MGRN1: variants seen among roughly 807,000 people sequenced by gnomAD.
The protein encoded by MGRN1 is mahogunin ring finger 1.
A neutral mutation model predicts 69.2 loss-of-function variants in MGRN1; 29 were observed. That is an observed-to-expected ratio of 0.42 (90% CI 0.31 to 0.57). MGRN1 has a LOEUF of 0.57. MGRN1 is among the 20% of genes least tolerant of loss of function. The pLI is 0.15. For missense variants in MGRN1, 998 were observed against 796.2 expected (o/e 1.25, Z -3.05); for synonymous variants, 470 against 344.2 (o/e 1.37, Z -4.04).
chr16:4,683,522 G>T (rs1435387518), intron 15 of MGRN1, among the ~76,000 whole-genome samples: 1 of 151,506 alleles, frequency 6.6e-6, no homozygotes, highest in East Asian at 2.0e-4. Flanking sequence ...TTCAGTCCTG[G>T]TTTTGAAACA....
chr16:4,688,823 A>T lies in MGRN1; in HGVS notation c.1646A>T (p.His549Leu), dbSNP rs1262005039. 3 of 1,552,924 alleles carry T rather than the reference A, an allele frequency of 1.9e-6. No individual in the cohort carries two copies. In the East Asian group the frequency reaches 7.3e-5, roughly 38 times the overall value. ...PGRPTSMETA[H>L]GLATTSPTWP... is the part of the protein sequence containing the mutation. ...CGGCCCACCTCCATGGAGACGGCCC[A>T]CGGCCTCGCCACCACCAGCCCCACC... Residue 549 changes from histidine to leucine, a missense_variant, in exon 17 of 17, where the codon CAC becomes CTC. Transcript: ENST00000262370.
chr16:4,680,241 T>G, intron 12 of MGRN1, 144 bp downstream of exon 12: 1 of 790,180 alleles, frequency 1.3e-6, no homozygotes, highest in South Asian at 1.8e-5. Context: ...CCGGCCTCCC[T>G]GCCCAGGGAG....
rs373771144 is a variant in MGRN1, at chr16:4,650,345, G to C, written c.89-20G>C. ...AAAAAAAAAAAAAAAATCTATAATC[G>C]TGTTTCCTTTTTTAAACAGGAAACT... On this transcript the variant is annotated intron_variant, in intron 1 of 16. Coordinates refer to ENST00000262370, the MANE Select transcript of MGRN1 (RefSeq NM_015246.4). 1 of 1,450,632 alleles carries C rather than the reference G, an allele frequency of 6.9e-7. No individual in the cohort carries two copies. The allele number at this position is 1,450,632 out of a possible 1,614,324, so 89.9% of individuals were successfully genotyped here. A position where few individuals can be genotyped will look rare whatever the true frequency, so the allele number is the denominator to read the frequency against.
intron 1 of MGRN1, among the ~76,000 whole-genome samples, chr16:4,635,885 G>A (rs1470751768): frequency 6.7e-6 from 1 of 148,306 alleles, no homozygotes; most frequent in Non-Finnish European, 1.5e-5. Context: ...CTGACCTTGT[G>A]ATCTGCCTGC....
At chr16:4,672,731 G>A (rs557122231) in intron 9 of MGRN1, among the ~76,000 whole-genome samples, 49 of 152,334 alleles carry the variant, frequency 3.2e-4, no homozygotes, top group African/African-American at 7.9e-4. Context: ...CTAGTTTGTG[G>A]ACACCTGTTT....
At chr16:4,671,021 G>A (rs2078925686) in intron 8 of MGRN1, among the ~76,000 whole-genome samples, 1 of 152,214 alleles carries the variant, frequency 6.6e-6, no homozygotes, top group Admixed American at 6.5e-5. Context: ...GGAAAGCAGT[G>A]GGAACTTAGG....
chr16:4,686,562 C>T (rs952294323), intron 16 of MGRN1: 6 of 1,331,118 alleles, frequency 4.5e-6, no homozygotes, highest in Non-Finnish European at 5.8e-6. Flanking sequence ...TCAGGCTCTT[C>T]TTCCAGCCTT....
rs534104525 is a variant in MGRN1, at chr16:4,625,104, G to T, written c.88+56G>T. The T allele has an allele frequency of 4.4e-4, 635 of 1,434,510 alleles. 4 individuals carry two copies. In the African/African-American group the frequency reaches 8.5e-3, roughly 19 times the overall value. 88.9% of individuals were successfully genotyped at this position (1,434,510 alleles called of 1,614,324 possible). On this transcript the variant is annotated intron_variant, in intron 1 of 16. Transcript: ENST00000262370. ...AGGCACGCGCTGGAACGCGGACCCGGCGGGCGCGGGGGCGGGGACTCGGGG... is the reference window on the plus strand; with the variant it reads ...AGGCACGCGCTGGAACGCGGACCCGTCGGGCGCGGGGGCGGGGACTCGGGG...
intron 1 of MGRN1, among the ~76,000 whole-genome samples, chr16:4,632,944 G>A (rs1898084253): frequency 6.6e-6 from 1 of 152,156 alleles, no homozygotes; most frequent in Non-Finnish European, 1.5e-5. Context: ...TTATCTGGGT[G>A]TGGTGGCGTC....
At chr16:4,647,951 T>G (rs2078309009) in intron 1 of MGRN1, among the ~76,000 whole-genome samples, 1 of 152,054 alleles carries the variant, frequency 6.6e-6, no homozygotes, top group South Asian at 2.1e-4. Flanking sequence ...GGGGCCCGGC[T>G]GGTCTTGGTG....
At chr16:4,688,722 C>T (rs2079391750) in intron 16 of MGRN1, 74 bp from the exon 17 acceptor site, 1 of 1,483,208 alleles carries the variant, frequency 6.7e-7, no homozygotes, top group Non-Finnish European at 9.0e-7. Flanking sequence ...CTCTGGGGCT[C>T]CAGATCGGTA....
chr16:4,686,412 C>T (rs542753916), intron 16 of MGRN1: 213 of 1,458,334 alleles, frequency 1.5e-4, no homozygotes, highest in Non-Finnish European at 1.6e-4. Context: ...GGTCTTCGTC[C>T]GCATCCGCAT....
At chr16:4,652,473 C>T (rs766907973) in intron 3 of MGRN1, among the ~76,000 whole-genome samples, 17 of 152,168 alleles carry the variant, frequency 1.1e-4, no homozygotes, top group Admixed American at 3.9e-4. Flanking sequence ...GCACGTACCC[C>T]GTCTTCTGTG....
rs974611751 is a variant in MGRN1 at position 4,624,939 on chromosome 16, C to T, written c.-22C>T. ...CGCTCCCGTTCCGGCCCTGGCCCCTCTGCCCGGCAGCGCCGCGCACCATGG... is the reference window on the plus strand; with the variant it reads ...CGCTCCCGTTCCGGCCCTGGCCCCTTTGCCCGGCAGCGCCGCGCACCATGG... On this transcript the variant is annotated 5_prime_UTR_variant, in exon 1 of 17. Transcript: ENST00000262370. 7 of 1,523,846 alleles carry T rather than the reference C, an allele frequency of 4.6e-6. No homozygotes were observed. The highest frequency in any genetic ancestry group is 2.9e-5 in the African/African-American group (2 of 69,628). The allele number at this position is 1,523,846 out of a possible 1,614,324, so 94.4% of individuals were successfully genotyped here. A position where few individuals can be genotyped will look rare whatever the true frequency, so the allele number is the denominator to read the frequency against.
At position 4,674,706 on chromosome 16, in the gene MGRN1, T is replaced by C. The variant is rs1415776568; in HGVS notation, c.955+1049T>C. Among the ~76,000 whole-genome samples, 4 of 126,314 alleles carry C rather than the reference T, an allele frequency of 3.2e-5. No homozygotes were observed. The East Asian group carries it at 1.2e-3, about 37-fold the overall frequency. The allele number at this position is 126,314 out of a possible 152,430, so 82.9% of individuals were successfully genotyped here. On this transcript the variant is annotated intron_variant, in intron 10 of 16. Coordinates refer to ENST00000262370, the MANE Select transcript of MGRN1 (RefSeq NM_015246.4). ...TGGACTGCGGACTGCAGTGGCGCAATCTCGGCTCACTGCAAGCTCCGCTTC... is the reference window on the plus strand; with the variant it reads ...TGGACTGCGGACTGCAGTGGCGCAACCTCGGCTCACTGCAAGCTCCGCTTC...
At chr16:4,668,600 A>C (rs2078862126) in intron 8 of MGRN1, among the ~76,000 whole-genome samples, 1 of 151,116 alleles carries the variant, frequency 6.6e-6, no homozygotes, top group Non-Finnish European at 1.5e-5. Context: ...TCATACACAC[A>C]TACACTCACA....
Position 4,688,167 on chromosome 16 carries a change from C to T in MGRN1, c.1619-629C>T, listed in dbSNP as rs930083891. ...TGTGTCAGGGCTGGTGGCTGGGTGT[C>T]AGGCAGCCCTGAGGCCATGCTGGCC... On this transcript the variant is annotated intron_variant, in intron 16 of 16. Coordinates refer to ENST00000262370, the MANE Select transcript of MGRN1 (RefSeq NM_015246.4). 14 of 985,442 alleles carry T rather than the reference C, an allele frequency of 1.4e-5. No homozygotes were observed. The East Asian group carries it at 1.4e-3, about 96-fold the overall frequency. 61.0% of individuals were successfully genotyped at this position (985,442 alleles called of 1,614,324 possible).
At chr16:4,685,843 A>C (rs1014325787) in intron 16 of MGRN1, among the ~76,000 whole-genome samples, 1 of 152,030 alleles carries the variant, frequency 6.6e-6, no homozygotes, top group Non-Finnish European at 1.5e-5. Flanking sequence ...GCATCACTGA[A>C]CCCTGCTGTC....
At chr16:4,656,809 G>A (rs138839028) in intron 4 of MGRN1, among the ~76,000 whole-genome samples, 2 of 152,094 alleles carry the variant, frequency 1.3e-5, no homozygotes, top group South Asian at 4.1e-4. Flanking sequence ...GAACTCAGAA[G>A]GCAGAGGTTG....
Sources: allele counts gnomAD v4.1 joint callset (sites outside exome capture counted in the v4.1 genomes callset), GRCh38; gene constraint gnomAD v4.1.1; transcripts MANE v1.5; gene names NCBI Gene and HGNC (gene_info 2026-07-23, HGNC 2026-07-21).